Variants in TRHDE observed in about 807,000 individuals in gnomAD.
TRHDE encodes the protein thyrotropin-releasing hormone-degrading ectoenzyme.
TRHDE carries 72 observed loss-of-function variants against 125.7 expected under a neutral mutation model. The observed-to-expected ratio is 0.57, with a 90% CI of 0.47 to 0.70. The LOEUF (loss-of-function observed/expected upper bound fraction) is 0.70, where lower values mean the gene tolerates loss of function less well. Ranked by LOEUF, TRHDE falls within the 30% of genes least tolerant of loss-of-function variation. The probability of loss-of-function intolerance (pLI) is 0.00; values close to 1 mark genes in which losing one functional copy is unlikely to be tolerated. For missense variants in TRHDE, 1,110 were observed against 1,327.1 expected (o/e 0.84, Z 2.54); for synonymous variants, 509 against 509.1 (o/e 1.00, Z 0.00).
At chr12:72,139,432 A>G (rs1490201810) in intron 2 of TRHDE, among the ~76,000 whole-genome samples, 1 of 152,238 alleles carries the variant, frequency 6.6e-6, no homozygotes. Flanking sequence ...ATCAAAGTAT[A>G]TGTTTTATGT....
At chr12:72,242,225 C>T (rs1344140345) in intron 2 of TRHDE, among the ~76,000 whole-genome samples, 3 of 152,116 alleles carry the variant, frequency 2.0e-5, no homozygotes, top group Non-Finnish European at 4.4e-5. Flanking sequence ...TGAAGACTTT[C>T]TTTGAATTTG....
In TRHDE at chr12:72,151,329, C is replaced by T. The variant is rs1472260361; in HGVS notation, n.279+45577C>T. Among the ~76,000 whole-genome samples, 6 of 151,306 alleles carry T rather than the reference C, an allele frequency of 4.0e-5. No individual in the cohort carries two copies. In the East Asian group the frequency reaches 1.2e-3, roughly 30 times the overall value. On this transcript the variant is annotated intron_variant and non_coding_transcript_variant, in intron 2 of 4. Coordinates refer to the TRHDE transcript ENST00000548156. ...CAGATGAGTAGATTGCAAAAATTTTCTCCCATTCTGTAGGTTGCCTGTTCA... is the reference window on the plus strand; with the variant it reads ...CAGATGAGTAGATTGCAAAAATTTTTTCCCATTCTGTAGGTTGCCTGTTCA...
At chr12:72,644,331 G>C (rs562680545) in intron 15 of TRHDE, among the ~76,000 whole-genome samples, 1 of 151,810 alleles carries the variant, frequency 6.6e-6, no homozygotes, top group African/African-American at 2.4e-5. Flanking sequence ...CCATTTTCAA[G>C]GGTATCCCCA....
At chr12:72,506,361 A>G (rs570036088) in intron 6 of TRHDE, among the ~76,000 whole-genome samples, 2 of 152,314 alleles carry the variant, frequency 1.3e-5, no homozygotes, top group Non-Finnish European at 2.9e-5. Context: ...GCAACCCAAT[A>G]GAAGACATAA....
At chr12:72,433,633 G>A (rs1874598074) in intron 3 of TRHDE, among the ~76,000 whole-genome samples, 1 of 152,028 alleles carries the variant, frequency 6.6e-6, no homozygotes, top group African/African-American at 2.4e-5. Context: ...GGCAGCATGA[G>A]GAGCTCCATA....
intron 7 of TRHDE, among the ~76,000 whole-genome samples, chr12:72,549,857 A>G (rs1441747200): frequency 6.6e-6 from 1 of 151,818 alleles, no homozygotes; most frequent in East Asian, 1.9e-4. Flanking sequence ...TCAATTTTTA[A>G]AATATATAGC....
At chr12:72,570,033 A>C (rs1870643825) in intron 10 of TRHDE, among the ~76,000 whole-genome samples, 1 of 152,166 alleles carries the variant, frequency 6.6e-6, no homozygotes, top group Non-Finnish European at 1.5e-5. Flanking sequence ...GATTCCTGTG[A>C]GGTGTGATAG....
intron 2 of TRHDE, among the ~76,000 whole-genome samples, chr12:72,347,266 T>C (rs1289555284): frequency 6.6e-6 from 1 of 152,104 alleles, no homozygotes; most frequent in Non-Finnish European, 1.5e-5. Flanking sequence ...TGAAAGATGC[T>C]GTGGTCCTGG....
intron 2 of TRHDE, among the ~76,000 whole-genome samples, chr12:72,237,432 T>C (rs1356890015): frequency 6.6e-6 from 1 of 152,162 alleles, no homozygotes; most frequent in Non-Finnish European, 1.5e-5. Context: ...AAACCATATA[T>C]TGGGGTTTAT....
At chr12:72,125,384 T>G (rs2139304046) in intron 2 of TRHDE, among the ~76,000 whole-genome samples, 1 of 152,132 alleles carries the variant, frequency 6.6e-6, no homozygotes, top group African/African-American at 2.4e-5. Context: ...TTGAGCTGAA[T>G]GCTTACCTAT....
At chr12:72,332,227 C>G (rs1869632765) in intron 2 of TRHDE, among the ~76,000 whole-genome samples, 1 of 152,152 alleles carries the variant, frequency 6.6e-6, no homozygotes, top group Non-Finnish European at 1.5e-5. Context: ...CAAGCTCCAC[C>G]TCCCGGGTTC....
Position 72,232,839 on chromosome 12 carries a change from T to C in TRHDE, n.279+127087T>C, listed in dbSNP as rs149212797. 2.0e-5 allele frequency among the ~76,000 whole-genome samples: 3 copies of C among 152,302 alleles called. No homozygotes were observed. The East Asian group carries it at 5.8e-4, about 29-fold the overall frequency. The stretch of plus-strand genomic sequence containing the variant: ...CCCTACCTAAAAGTGTACCCCTCCC[T>C]ACAGTTTTTCTGCCTTCTCTGCTTT... On this transcript the variant is annotated intron_variant and non_coding_transcript_variant, in intron 2 of 4. Transcript: ENST00000548156.
chr12:72,334,031 C>T (rs534240427), intron 2 of TRHDE, among the ~76,000 whole-genome samples: 121 of 152,232 alleles, frequency 7.9e-4, no homozygotes, highest in Non-Finnish European at 1.6e-3. Context: ...AATGGCTTTC[C>T]TAATTACTCT....
At chr12:72,622,300 T>C (rs1237025476) in intron 15 of TRHDE, among the ~76,000 whole-genome samples, 1 of 152,110 alleles carries the variant, frequency 6.6e-6, no homozygotes, top group African/African-American at 2.4e-5. Flanking sequence ...AATTGTTTAA[T>C]TAAATTACTT....
chr12:72,394,663 CT>C (rs1219667686), intron 3 of TRHDE, among the ~76,000 whole-genome samples: 1 of 152,156 alleles, frequency 6.6e-6, no homozygotes, highest in Non-Finnish European at 1.5e-5. Context: ...GTTGAAGACA[CT>C]TTTTCCCCTG....
Position 72,495,060 on chromosome 12 carries a change from G to GTTTTT in TRHDE, c.1585-4416_1585-4412dup, listed in dbSNP as rs751243542. On this transcript the variant is annotated intron_variant, in intron 5 of 18. Coordinates refer to ENST00000261180, the MANE Select transcript of TRHDE (RefSeq NM_013381.3). ...CATTTCTGTCAATAGTTCCTCCCCC[G>GTTTTT]TTTTTTTTTTTTTTTTTTTTTTTTT... Among the ~76,000 whole-genome samples, 233 of 58,388 alleles carry GTTTTT rather than the reference G, an allele frequency of 4.0e-3. 35 individuals are homozygous for GTTTTT. The highest frequency in any genetic ancestry group is 0.016 in the African/African-American group (211 of 13,484). 38.3% of individuals were successfully genotyped at this position (58,388 alleles called of 152,430 possible). A position where few individuals can be genotyped will look rare whatever the true frequency, so the allele number is the denominator to read the frequency against.
At chr12:72,279,831 T>C (rs1193582840) in intron 1 of TRHDE, among the ~76,000 whole-genome samples, 2 of 152,136 alleles carry the variant, frequency 1.3e-5, no homozygotes, top group Non-Finnish European at 2.9e-5. Flanking sequence ...GGTGAATTAA[T>C]TCCTCCCAGT....
chr12:72,634,003 A>G (rs1873609111), intron 15 of TRHDE, among the ~76,000 whole-genome samples: 1 of 152,052 alleles, frequency 6.6e-6, no homozygotes, highest in Non-Finnish European at 1.5e-5. Context: ...ATTGAGAACA[A>G]TTTGCTATTT....
intron 2 of TRHDE, among the ~76,000 whole-genome samples, chr12:72,366,710 T>G (rs1420005812): frequency 2.6e-5 from 4 of 151,996 alleles, no homozygotes; most frequent in Admixed American, 1.3e-4. Flanking sequence ...CCATAGTATG[T>G]AGCAGACCTG....
Sources: gnomAD v4.1 joint callset for allele counts (sites outside exome capture counted in the v4.1 genomes callset) on GRCh38, gnomAD v4.1.1 for gene constraint, MANE v1.5 for transcripts, NCBI Gene and HGNC (gene_info 2026-07-23, HGNC 2026-07-21) for gene names.